Variants in TLE1 observed in about 807,000 individuals in gnomAD.
The protein encoded by TLE1 is transducin-like enhancer protein 1.
TLE1 carries 21 observed loss-of-function variants against 89.8 expected under a neutral mutation model. The ratio of observed to expected loss-of-function variants is 0.23; its 90% confidence interval spans 0.17 to 0.34. TLE1 has a LOEUF of 0.34. Ranked by LOEUF, TLE1 falls within the 10% of genes least tolerant of loss-of-function variation. The pLI is 1.00. For synonymous variants in TLE1, 447 were observed against 407.6 expected, an observed-to-expected ratio of 1.10 and a Z score of -1.16; for missense variants, 795 against 1,031.2, an observed-to-expected ratio of 0.77 and a Z score of 3.14.
intron 14 of TLE1, among the ~76,000 whole-genome samples, chr9:81,603,858 C>T (rs1406116874): frequency 2.0e-5 from 3 of 152,062 alleles, no homozygotes; most frequent in South Asian, 2.1e-4. Context: ...AAAAATTAGC[C>T]GGACATGGCG....
At chr9:81,647,658 C>T (rs927980971) in intron 6 of TLE1, among the ~76,000 whole-genome samples, 3 of 152,118 alleles carry the variant, frequency 2.0e-5, no homozygotes, top group African/African-American at 4.8e-5. Flanking sequence ...GGAGTCAGGA[C>T]CACATGTTCA....
chr9:81,666,148 A>C (rs1831435141), intron 4 of TLE1, among the ~76,000 whole-genome samples: 1 of 152,152 alleles, frequency 6.6e-6, no homozygotes. Context: ...AATGGTATTG[A>C]CTTGTCCCAG....
At chr9:81,657,134 G>T (rs1830237845) in intron 4 of TLE1, among the ~76,000 whole-genome samples, 1 of 152,068 alleles carries the variant, frequency 6.6e-6, no homozygotes, top group Non-Finnish European at 1.5e-5. Flanking sequence ...TCCACTCTAT[G>T]TTTCCTTTCT....
intron 12 of TLE1, 93 bp from the exon 13 acceptor site, chr9:81,612,052 A>G (rs1823784275): frequency 9.9e-7 from 1 of 1,013,944 alleles, no homozygotes; most frequent in Non-Finnish European, 1.3e-6. Flanking sequence ...AGTGTCACTC[A>G]TGGGGAGAGA....
At chr9:81,626,326 A>G (rs1825900917) in intron 8 of TLE1, among the ~76,000 whole-genome samples, 1 of 152,130 alleles carries the variant, frequency 6.6e-6, no homozygotes, top group Admixed American at 6.6e-5. Flanking sequence ...GGTGAACATT[A>G]AAACAATTAG....
intron 4 of TLE1, among the ~76,000 whole-genome samples, chr9:81,683,400 A>C (rs1378933892): frequency 6.6e-6 from 1 of 152,024 alleles, no homozygotes; most frequent in East Asian, 1.9e-4. Flanking sequence ...ATCTAATGAG[A>C]GCTCCAAAGG....
Position 81,593,156 on chromosome 9 carries a change from C to T in TLE1, c.1450G>A (p.Gly484Arg), listed in dbSNP as rs759500231. 31 of 1,614,130 alleles carry T rather than the reference C, an allele frequency of 1.9e-5. No homozygotes were observed. Among genetic ancestry groups the T allele is most frequent in the Non-Finnish European group, 2.5e-5 (30 of 1,180,034 alleles). Residue 484 changes from glycine (G) to arginine (R), a missense_variant, in exon 15 of 20, where the codon GGG becomes AGG. Gly to Arg is a moderately radical substitution (Grantham distance 125). Coordinates refer to ENST00000376499, the MANE Select transcript of TLE1 (RefSeq NM_005077.5). ...HARQINTLNH[G>R]EVVCAVTISN... ...ATGGTCACAGCGCACACCACCTCCC[C>T]GTGGTTGAGGGTGTTGATCTGGCGA...
chr9:81,650,059 G>A (rs1012641820), intron 6 of TLE1, among the ~76,000 whole-genome samples: 2 of 152,108 alleles, frequency 1.3e-5, no homozygotes, highest in African/African-American at 4.8e-5. Flanking sequence ...CTTGCATTGC[G>A]CCTGATTCAC....
intron 4 of TLE1, among the ~76,000 whole-genome samples, chr9:81,665,508 A>C (rs1033017828): frequency 3.3e-5 from 5 of 152,086 alleles, no homozygotes; most frequent in African/African-American, 9.7e-5. Flanking sequence ...GGAGGGGTTA[A>C]AAGAAAGGAA....
chr9:81,630,136 G>GA (rs1201306413), intron 8 of TLE1, among the ~76,000 whole-genome samples: 1,682 of 143,944 alleles, frequency 0.012, 26 homozygotes, highest in African/African-American at 0.038. Flanking sequence ...CAAACAAGAA[G>GA]AAAAAAAAAA....
chr9:81,596,651 C>G (rs529936063), intron 14 of TLE1, among the ~76,000 whole-genome samples: 34 of 152,248 alleles, frequency 2.2e-4, no homozygotes, highest in African/African-American at 8.2e-4. Flanking sequence ...TCGCTCACAC[C>G]TGAATTCAGA....
intron 4 of TLE1, among the ~76,000 whole-genome samples, chr9:81,682,537 T>G (rs1023158825): frequency 6.6e-6 from 1 of 152,212 alleles, no homozygotes; most frequent in Admixed American, 6.5e-5. Flanking sequence ...ATGAGTGGGC[T>G]AAAATAAGGT....
intron 8 of TLE1, among the ~76,000 whole-genome samples, chr9:81,625,352 G>A (rs1825774886): frequency 6.6e-6 from 1 of 152,182 alleles, no homozygotes; most frequent in Non-Finnish European, 1.5e-5. Context: ...CAGAAGAAAA[G>A]AGGAATGGCA....
chr9:81,637,671 T>C (rs1445734740), intron 6 of TLE1, among the ~76,000 whole-genome samples: 1 of 141,400 alleles, frequency 7.1e-6, no homozygotes, highest in Non-Finnish European at 1.5e-5. Flanking sequence ...TTAAGCAAAA[T>C]CCTATCAAAT....
intron 6 of TLE1, among the ~76,000 whole-genome samples, chr9:81,648,130 G>A (rs1261347149): frequency 6.6e-6 from 1 of 151,778 alleles, no homozygotes; most frequent in Non-Finnish European, 1.5e-5. Flanking sequence ...AAATTAGCTG[G>A]GTATGGCGGT....
intron 4 of TLE1, among the ~76,000 whole-genome samples, chr9:81,669,580 A>G (rs921243328): frequency 1.3e-5 from 2 of 152,062 alleles, no homozygotes; most frequent in Non-Finnish European, 2.9e-5. Context: ...TCACTTGTAC[A>G]TGCAAATATA....
intron 16 of TLE1, among the ~76,000 whole-genome samples, chr9:81,588,693 C>CG (rs1471952783): frequency 2.0e-5 from 3 of 152,102 alleles, no homozygotes; most frequent in African/African-American, 7.2e-5. Context: ...CCAGCAGGGA[C>CG]GGTGACTGGT....
At chr9:81,650,727 G>GC (rs1327969069) in intron 6 of TLE1, among the ~76,000 whole-genome samples, 7 of 152,140 alleles carry the variant, frequency 4.6e-5, no homozygotes, top group Non-Finnish European at 8.8e-5. Flanking sequence ...GGAAGGCAGT[G>GC]CCTGGATCTG....
intron 6 of TLE1, among the ~76,000 whole-genome samples, chr9:81,647,592 C>T (rs1361360445): frequency 6.6e-6 from 1 of 152,138 alleles, no homozygotes; most frequent in Non-Finnish European, 1.5e-5. Flanking sequence ...ACCAACTGGA[C>T]CCACAGATCT....
Sources: gnomAD v4.1 joint callset for allele counts (sites outside exome capture counted in the v4.1 genomes callset) on GRCh38, gnomAD v4.1.1 for gene constraint, MANE v1.5 for transcripts, NCBI Gene and HGNC (gene_info 2026-07-23, HGNC 2026-07-21) for gene names.